The following RBM19 variants were observed in gnomAD, a reference collection of about 807,000 sequenced individuals.
RBM19 encodes the protein probable RNA-binding protein 19.
In RBM19, 94 loss-of-function variants were observed where a neutral mutation model predicts 116.8. That is an observed-to-expected ratio of 0.80 (90% confidence interval 0.68 to 0.95). The LOEUF (loss-of-function observed/expected upper bound fraction) is 0.95, where lower values mean the gene tolerates loss of function less well. Ranked by LOEUF, RBM19 falls within the 40% of genes least tolerant of loss-of-function variation. RBM19 has a pLI of 0.00. For missense variants in RBM19, 1,161 were observed against 1,220.7 expected, an observed-to-expected ratio of 0.95 and a Z score of 0.73; for synonymous variants, 475 against 494.1, an observed-to-expected ratio of 0.96 and a Z score of 0.51.
intron 21 of RBM19, among the ~76,000 whole-genome samples, chr12:113,882,504 C>A (rs1281366161): frequency 6.6e-6 from 1 of 152,354 alleles, no homozygotes; most frequent in Non-Finnish European, 1.5e-5. Flanking sequence ...TTGAAAGGAG[C>A]TCTAGGCTCA....
In RBM19 at chr12:113,902,249, T is replaced by G. The variant is rs185885505; in HGVS notation, c.2558+12720A>C. Among the ~76,000 whole-genome samples, 379 of 152,306 alleles carry G rather than the reference T, an allele frequency of 2.5e-3. 3 individuals carry two copies. Among genetic ancestry groups the G allele is most frequent in the African/African-American group, 8.5e-3 (353 of 41,558 alleles). ...CACAAGGACCCCCTAAGCTACCTTT[T>G]GATAGACACAGGCACCTCCCTCCCT... On this transcript the variant is annotated intron_variant, in intron 21 of 23. Coordinates refer to ENST00000261741, the MANE Select transcript of RBM19 (RefSeq NM_016196.4).
chr12:113,902,503 G>A (rs1881759597), intron 21 of RBM19, among the ~76,000 whole-genome samples: 1 of 150,032 alleles, frequency 6.7e-6, no homozygotes, highest in African/African-American at 2.4e-5. Context: ...GGAGGCTGGG[G>A]AAGGAGGATC....
At chr12:113,816,766 G>A (rs557091879) in exon 25 of RBM19, 22 of 152,124 alleles carry the variant, frequency 1.4e-4, no homozygotes, top group Middle Eastern at 3.4e-3. Context: ...TTATTAAGAC[G>A]GCTGAAAAAA....
intron 23 of RBM19, among the ~76,000 whole-genome samples, chr12:113,824,601 G>A (rs3782423): frequency 0.32 from 48,754 of 151,576 alleles, 8,535 homozygotes; most frequent in Non-Finnish European, 0.38. Context: ...CCATTTATCC[G>A]CAGGCTGTGA....
chr12:113,849,057 C>T (rs959221077), intron 22 of RBM19, among the ~76,000 whole-genome samples: 2 of 152,218 alleles, frequency 1.3e-5, no homozygotes, highest in African/African-American at 4.8e-5. Flanking sequence ...TCTCCTTCTT[C>T]CTTTTGGCCT....
At chr12:113,866,512 G>A (rs989239864) in intron 21 of RBM19, among the ~76,000 whole-genome samples, 11 of 152,186 alleles carry the variant, frequency 7.2e-5, no homozygotes, top group African/African-American at 1.2e-4. Flanking sequence ...TGGATGGGGC[G>A]GATTTGGCAT....
intron 18 of RBM19, among the ~76,000 whole-genome samples, chr12:113,923,134 G>A (rs1215011645): frequency 6.6e-6 from 1 of 152,072 alleles, no homozygotes; most frequent in African/African-American, 2.4e-5. Flanking sequence ...ACTCTGTCTC[G>A]AAAAATAAAA....
chr12:113,888,132 G>A (rs1880673653), intron 21 of RBM19, among the ~76,000 whole-genome samples: 1 of 152,200 alleles, frequency 6.6e-6, no homozygotes, highest in South Asian at 2.1e-4. Flanking sequence ...GAAAGCTGGA[G>A]AAAGACAGCG....
intron 2 of RBM19, among the ~76,000 whole-genome samples, chr12:113,961,527 T>C (rs528821820): frequency 1.3e-5 from 2 of 152,376 alleles, no homozygotes; most frequent in South Asian, 2.1e-4. Context: ...GCATTTATCA[T>C]ATATGTATGG....
chr12:113,872,413 CCGGCCAGCCGCCCCG>C (rs1879300253), intron 21 of RBM19, among the ~76,000 whole-genome samples: 1 of 148,712 alleles, frequency 6.7e-6, no homozygotes, highest in South Asian at 2.2e-4. Context: ...AGCCCTCCGC[CCGGCCAGCCGCCCCG>C]TCTGGGAGGT....
chr12:113,893,489 G>T (rs1035801990), intron 21 of RBM19, among the ~76,000 whole-genome samples: 1 of 152,090 alleles, frequency 6.6e-6, no homozygotes, highest in Admixed American at 6.5e-5. Flanking sequence ...ATTTCTCCTC[G>T]CAGTAACATT....
intron 21 of RBM19, among the ~76,000 whole-genome samples, chr12:113,906,650 G>C (rs1449940050): frequency 6.6e-6 from 1 of 151,938 alleles, no homozygotes; most frequent in East Asian, 1.9e-4. Flanking sequence ...CTGCCTCGTC[G>C]GGGCTCGGCA....
intron 15 of RBM19, among the ~76,000 whole-genome samples, chr12:113,937,874 G>C (rs1364651683): frequency 6.6e-6 from 1 of 152,026 alleles, no homozygotes; most frequent in Non-Finnish European, 1.5e-5. Context: ...GTGGGAGTGA[G>C]ACTTGTCAAC....
chr12:113,927,031 T>A, intron 17 of RBM19, 23 bp downstream of exon 17: 1 of 1,609,198 alleles, frequency 6.2e-7, no homozygotes, highest in South Asian at 1.1e-5. Context: ...CGCCCCTCCC[T>A]CCTGGGCTGA....
chr12:113,840,829 G>A (rs1876401620), intron 23 of RBM19, among the ~76,000 whole-genome samples: 1 of 152,210 alleles, frequency 6.6e-6, no homozygotes, highest in South Asian at 2.1e-4. Flanking sequence ...CAGCCCCTGG[G>A]GTGGTTAAGA....
chr12:113,833,246 C>T (rs890116373), intron 23 of RBM19, among the ~76,000 whole-genome samples: 5 of 152,192 alleles, frequency 3.3e-5, no homozygotes, highest in Non-Finnish European at 7.3e-5. Flanking sequence ...TGATTTTTCT[C>T]CTGCCTTCCA....
At chr12:113,859,295 G>C (rs1328665362) in intron 21 of RBM19, among the ~76,000 whole-genome samples, 1 of 152,214 alleles carries the variant, frequency 6.6e-6, no homozygotes, top group African/African-American at 2.4e-5. Context: ...TGCTAGTAGG[G>C]GCTCTGGACA....
At chr12:113,895,383 G>A (rs1173657051) in intron 21 of RBM19, among the ~76,000 whole-genome samples, 1 of 152,116 alleles carries the variant, frequency 6.6e-6, no homozygotes, top group Non-Finnish European at 1.5e-5. Context: ...CAACATGCCC[G>A]GCTCCAAACC....
At chr12:113,901,930 G>A (rs148850203) in intron 21 of RBM19, among the ~76,000 whole-genome samples, 128 of 152,292 alleles carry the variant, frequency 8.4e-4, no homozygotes, top group African/African-American at 2.9e-3. Flanking sequence ...ATGCTTTATA[G>A]TTTGGGATAT....
Sources: gnomAD v4.1 joint callset for allele counts (sites outside exome capture counted in the v4.1 genomes callset) on GRCh38, gnomAD v4.1.1 for gene constraint, MANE v1.5 for transcripts, NCBI Gene and HGNC (gene_info 2026-07-23, HGNC 2026-07-21) for gene names.